POFUT3: variants seen among roughly 807,000 people sequenced by gnomAD.
POFUT3 encodes protein O-fucosyltransferase 3.
At chr8:33,423,818 T>TAAAAAAA in the POFUT3 span, among the ~76,000 whole-genome samples, 71 of 70,140 alleles carry the variant, frequency 1.0e-3, 2 homozygotes, top group African/African-American at 3.0e-3. Flanking sequence ...GCACACCAAG[T>TAAAAAAA]AAAAAAAAAA....
At chr8:33,338,280 A>T in the POFUT3 span, among the ~76,000 whole-genome samples, 1 of 152,050 alleles carries the variant, frequency 6.6e-6, no homozygotes, top group Non-Finnish European at 1.5e-5. Flanking sequence ...CCTCCCAACA[A>T]CCTTCTAGAT....
At chr8:33,344,108 A>G in the POFUT3 span, among the ~76,000 whole-genome samples, 1 of 152,240 alleles carries the variant, frequency 6.6e-6, no homozygotes, top group African/African-American at 2.4e-5. Flanking sequence ...CCTAAGAATG[A>G]ATAAATGGAG....
At chr8:33,431,067 G>C in the POFUT3 span, among the ~76,000 whole-genome samples, 1 of 152,052 alleles carries the variant, frequency 6.6e-6, no homozygotes, top group Admixed American at 6.6e-5. Flanking sequence ...TGTGGGCCTG[G>C]GTAGAGACGG....
the POFUT3 span, among the ~76,000 whole-genome samples, chr8:33,443,921 T>C: frequency 6.6e-6 from 1 of 151,046 alleles, no homozygotes; most frequent in Admixed American, 6.6e-5. Context: ...AGGCCAGGAG[T>C]TTGAGACTGG....
At chr8:33,318,298 C>T in the POFUT3 span, among the ~76,000 whole-genome samples, 2 of 151,146 alleles carry the variant, frequency 1.3e-5, no homozygotes, top group Non-Finnish European at 2.9e-5. Flanking sequence ...AATTCAGAAT[C>T]TTGGGGGTGC....
chr8:33,355,197 C>T, the POFUT3 span, among the ~76,000 whole-genome samples: 2 of 152,126 alleles, frequency 1.3e-5, no homozygotes, highest in African/African-American at 2.4e-5. Context: ...TAATACATGC[C>T]AACCAGATTA....
chr8:33,452,235 TAAAC>T, the POFUT3 span: 176 of 152,252 alleles, frequency 1.2e-3, 2 homozygotes, highest in East Asian at 0.03. Flanking sequence ...AACAATAACA[TAAAC>T]AATGTAGAGT....
the POFUT3 span, among the ~76,000 whole-genome samples, chr8:33,441,806 T>C: frequency 1.3e-5 from 2 of 152,248 alleles, no homozygotes; most frequent in African/African-American, 4.8e-5. Context: ...AGAGGATTTC[T>C]GTGGGTCGGA....
At chr8:33,372,823 G>T in the POFUT3 span, 1 of 1,607,352 alleles carries the variant, frequency 6.2e-7, no homozygotes. Context: ...AGAGAAAAGA[G>T]AAATGAATTA....
chr8:33,365,969 T>C, the POFUT3 span, among the ~76,000 whole-genome samples: 2 of 152,136 alleles, frequency 1.3e-5, no homozygotes, highest in Non-Finnish European at 2.9e-5. Flanking sequence ...ATGTTTATTG[T>C]GGCACTATTC....
the POFUT3 span, among the ~76,000 whole-genome samples, chr8:33,379,734 G>A: frequency 6.7e-6 from 1 of 150,008 alleles, no homozygotes; most frequent in Non-Finnish European, 1.5e-5. Context: ...TAGTCAGGAT[G>A]CTGAGGCAGG....
the POFUT3 span, among the ~76,000 whole-genome samples, chr8:33,329,773 T>C: frequency 3.9e-5 from 6 of 152,222 alleles, no homozygotes; most frequent in Non-Finnish European, 7.3e-5. Flanking sequence ...AACTGTGGGA[T>C]TTTGATATTT....
the POFUT3 span, among the ~76,000 whole-genome samples, chr8:33,420,836 G>A: frequency 6.6e-6 from 1 of 151,744 alleles, no homozygotes; most frequent in South Asian, 2.1e-4. Flanking sequence ...ATAGATGTTT[G>A]AGATGATAGA....
the POFUT3 span, among the ~76,000 whole-genome samples, chr8:33,404,414 G>A: frequency 5.3e-5 from 8 of 152,192 alleles, no homozygotes; most frequent in South Asian, 1.7e-3. Flanking sequence ...GTTTGGGAGT[G>A]TGGGATGTGC....
At chr8:33,446,364 CGAGAATCTCTCGAACACAG>C in the POFUT3 span, among the ~76,000 whole-genome samples, 296 of 150,902 alleles carry the variant, frequency 2.0e-3, no homozygotes, top group Non-Finnish European at 2.9e-3. Context: ...GGCTGAGGCA[CGAGAATCTCTCGAACACAG>C]GAGGCAGCAG....
the POFUT3 span, among the ~76,000 whole-genome samples, chr8:33,364,528 G>A: frequency 9.9e-5 from 15 of 152,092 alleles, no homozygotes; most frequent in Non-Finnish European, 1.6e-4. Context: ...AAACCCTATC[G>A]TCTCAGCCCA....
the POFUT3 span, among the ~76,000 whole-genome samples, chr8:33,383,182 C>T: frequency 6.6e-6 from 1 of 152,212 alleles, no homozygotes; most frequent in Non-Finnish European, 1.5e-5. Context: ...GCCCTCCTTC[C>T]TTCCCTGGTT....
At chr8:33,398,912 T>C in the POFUT3 span, among the ~76,000 whole-genome samples, 1 of 152,184 alleles carries the variant, frequency 6.6e-6, no homozygotes, top group Admixed American at 6.5e-5. Context: ...TCCACAAATT[T>C]TGATTTGTAA....
the POFUT3 span, chr8:33,461,258 T>C: frequency 4.6e-6 from 5 of 1,089,980 alleles, no homozygotes; most frequent in Non-Finnish European, 5.1e-6. Flanking sequence ...ACCCTGATCC[T>C]GAACACCCCT....
Sources: gnomAD v4.1 joint callset for allele counts (sites outside exome capture counted in the v4.1 genomes callset) on GRCh38, gnomAD v4.1.1 for gene constraint, MANE v1.5 for transcripts, NCBI Gene and HGNC (gene_info 2026-07-23, HGNC 2026-07-21) for gene names.